The following CX3CR1 variants were observed in gnomAD, a reference collection of about 807,000 sequenced individuals.
CX3CR1 encodes the protein CX3C chemokine receptor 1.
For missense variants in CX3CR1, 363 were observed against 432.4 expected (o/e 0.84, Z 1.42); for synonymous variants, 168 against 178.5 (o/e 0.94, Z 0.47).
upstream of CX3CR1, among the ~76,000 whole-genome samples, chr3:39,282,836 G>C (rs759686639): frequency 6.6e-6 from 1 of 152,174 alleles, no homozygotes; most frequent in Non-Finnish European, 1.5e-5. Context: ...CTAAGTCCTC[G>C]ATGTACATGA....
At chr3:39,274,321 A>C (rs1376622912) in intron 1 of CX3CR1, among the ~76,000 whole-genome samples, 1 of 152,078 alleles carries the variant, frequency 6.6e-6, no homozygotes, top group African/African-American at 2.4e-5. Context: ...CATGTTAAGG[A>C]GCTATAAGGA....
At chr3:39,266,540 G>A (rs2040703573) in intron 1 of CX3CR1, 22 bp from the exon 2 acceptor site, 1 of 1,610,272 alleles carries the variant, frequency 6.2e-7, no homozygotes, top group African/African-American at 1.3e-5. Context: ...AGAAAAACAA[G>A]TAACTGTGTT....
At chr3:39,280,475 A>T, upstream of CX3CR1, 25 of 984,974 alleles carry the variant, frequency 2.5e-5, no homozygotes, top group Non-Finnish European at 3.0e-5. Context: ...TAAAGACAGC[A>T]CCTCAAGCCC....
chr3:39,265,165 A>G lies in CX3CR1; in HGVS notation c.*277T>C, dbSNP rs1455248096. On this transcript the variant is annotated 3_prime_UTR_variant, in exon 2 of 2. Coordinates refer to ENST00000399220, the MANE Select transcript of CX3CR1 (RefSeq NM_001337.4). Reference sequence around the variant, plus strand: ...CAATATTCACCACCCTCATTTAACTAAACTAGTCTGAGTTGAATTTTTGTC... The same window carrying G: ...CAATATTCACCACCCTCATTTAACTGAACTAGTCTGAGTTGAATTTTTGTC... 1 of 374,470 alleles carries G rather than the reference A, an allele frequency of 2.7e-6. No homozygotes were observed. Among genetic ancestry groups the G allele is most frequent in the Non-Finnish European group, 4.8e-6 (1 of 208,334 alleles). The allele number at this position is 374,470 out of a possible 1,614,324, so 23.2% of individuals were successfully genotyped here.
chr3:39,271,606 G>T (rs2040777859), intron 1 of CX3CR1, among the ~76,000 whole-genome samples: 2 of 152,162 alleles, frequency 1.3e-5, no homozygotes, highest in Non-Finnish European at 2.9e-5. Flanking sequence ...TGTCTTCTGT[G>T]CAAATCTCAA....
rs781270208 is a variant in CX3CR1 at position 39,266,043 on chromosome 3, G to T, written c.467C>A (p.Ala156Glu). 6.2e-7 allele frequency: 1 copy of T among 1,614,226 alleles called. No homozygotes were observed. Among genetic ancestry groups the T allele is most frequent in the South Asian group, 1.1e-5 (1 of 91,084 alleles). Residue 156 changes from alanine to glutamate, a missense_variant, in exon 2 of 2, where the codon GCA becomes GAA. Coordinates refer to ENST00000399220, the MANE Select transcript of CX3CR1 (RefSeq NM_001337.4). ...CTGGGGTGCTGCCACCAAAATGGCTGCTGCCCAGACGCCTAGGCTGATGGT... is the reference window on the plus strand; with the variant it reads ...CTGGGGTGCTGCCACCAAAATGGCTTCTGCCCAGACGCCTAGGCTGATGGT... ...GVTISLGVWA[A>E]AILVAAPQFM...
At chr3:39,269,480 G>C (rs2040748591) in intron 1 of CX3CR1, among the ~76,000 whole-genome samples, 1 of 152,184 alleles carries the variant, frequency 6.6e-6, no homozygotes, top group Admixed American at 6.5e-5. Flanking sequence ...TTCTCAATGG[G>C]GAAAATTCAC....
chr3:39,269,977 A>G (rs2040757338), intron 1 of CX3CR1, among the ~76,000 whole-genome samples: 1 of 152,202 alleles, frequency 6.6e-6, no homozygotes, highest in South Asian at 2.1e-4. Flanking sequence ...TCACATTTCC[A>G]TTTTGCACAC....
upstream of CX3CR1, among the ~76,000 whole-genome samples, chr3:39,283,549 A>C (rs1332482268): frequency 6.6e-6 from 1 of 151,850 alleles, no homozygotes; most frequent in African/African-American, 2.4e-5. Flanking sequence ...TGGGAGGCCA[A>C]CGTGGGTGGA....
chr3:39,284,638 A>G (rs1404633744), upstream of CX3CR1, among the ~76,000 whole-genome samples: 1 of 152,258 alleles, frequency 6.6e-6, no homozygotes, highest in East Asian at 1.9e-4. Flanking sequence ...GGACTTCTCC[A>G]TGCCAGGCCC....
rs953083965 is a variant in CX3CR1, at chr3:39,264,804, T to G, written c.*638A>C. 1 of 152,332 alleles carries G rather than the reference T, an allele frequency of 6.6e-6. No homozygotes were observed. The highest frequency in any genetic ancestry group is 2.4e-5 in the African/African-American group (1 of 41,448). The allele number at this position is 152,332 out of a possible 1,614,324, so 9.4% of individuals were successfully genotyped here. ...TCAGAATAGTACCCACCCATCCAAC[T>G]TCTTGGAAATATGTATTTCTGCTTC... On this transcript the variant is annotated 3_prime_UTR_variant, in exon 2 of 2. Transcript: ENST00000399220.
chr3:39,280,581 T>A (rs1407740939), upstream of CX3CR1: 5 of 567,864 alleles, frequency 8.8e-6, no homozygotes, highest in Non-Finnish European at 1.1e-5. Context: ...ACTGAAGGCA[T>A]CTAGTGAGTA....
intron 1 of CX3CR1, among the ~76,000 whole-genome samples, chr3:39,278,564 G>A (rs2669843): frequency 0.88 from 132,970 of 151,660 alleles, 58,377 homozygotes; most frequent in East Asian, 1. Flanking sequence ...CTGCTTTCAC[G>A]TGGTTCAATT....
intron 1 of CX3CR1, among the ~76,000 whole-genome samples, chr3:39,266,937 C>A (rs922991039): frequency 1.1e-4 from 17 of 152,106 alleles, no homozygotes; most frequent in Admixed American, 4.6e-4. Flanking sequence ...GCGTGCACTA[C>A]CACGCCTGGC....
Position 39,266,272 on chromosome 3 carries a change from A to G in CX3CR1, c.238T>C (p.Phe80Leu), listed in dbSNP as rs747517244. The change falls in exon 2 of 2, where the codon TTT becomes CTT. Residue 80 changes from phenylalanine (F) to leucine (L), a missense_variant. Coordinates refer to ENST00000399220, the MANE Select transcript of CX3CR1 (RefSeq NM_001337.4). ...GTCCAGAAGGGCAAAGTGGCTACAA[A>G]CAGCAGATCAGACAAGGCCAGGTTC... is the stretch of plus-strand genomic sequence containing the variant. Reference protein sequence around the residue: ...LLNLALSDLLFVATLPFWTHY... With the variant: ...LLNLALSDLLLVATLPFWTHY... The G allele has an allele frequency of 5.6e-6, 9 of 1,614,236 alleles. No homozygotes were observed. The highest frequency in any genetic ancestry group is 3.3e-5 in the Admixed American group (2 of 60,022).
intron 1 of CX3CR1, among the ~76,000 whole-genome samples, chr3:39,275,849 T>C (rs1172828611): frequency 6.6e-6 from 1 of 150,748 alleles, no homozygotes; most frequent in East Asian, 1.9e-4. Context: ...AGAAAAGTCA[T>C]GGGAAGCCCA....
chr3:39,278,341 G>C (rs1221945776), intron 1 of CX3CR1, among the ~76,000 whole-genome samples: 2 of 152,184 alleles, frequency 1.3e-5, no homozygotes. Context: ...AAGCAAAGAG[G>C]AAGATGAAAG....
chr3:39,278,604 GCCTCAAGTTTTCTA>G (rs1289748439), intron 1 of CX3CR1, among the ~76,000 whole-genome samples: 9 of 148,634 alleles, frequency 6.1e-5, no homozygotes, highest in African/African-American at 2.0e-4. Context: ...ATTTTTTTCT[GCCTCAAGTTTTCTA>G]CCTCAAGTAT....
chr3:39,269,809 C>A (rs1049705994), intron 1 of CX3CR1, among the ~76,000 whole-genome samples: 8 of 152,206 alleles, frequency 5.3e-5, no homozygotes, highest in African/African-American at 1.9e-4. Flanking sequence ...ACAGTGGGTG[C>A]ATGCAGTGGG....
Sources: allele counts gnomAD v4.1 joint callset (sites outside exome capture counted in the v4.1 genomes callset), GRCh38; gene constraint gnomAD v4.1.1; transcripts MANE v1.5; gene names NCBI Gene and HGNC (gene_info 2026-07-23, HGNC 2026-07-21).